Variants in KLF12 observed in about 807,000 individuals in gnomAD.
KLF12 encodes KLF transcription factor 12.
A neutral mutation model predicts 37.8 loss-of-function variants in KLF12; 9 were observed. The observed-to-expected ratio is 0.24, with a 90% CI of 0.14 to 0.42. The LOEUF is 0.42. KLF12 is among the 10% of genes least tolerant of loss of function. KLF12 has a pLI of 1.00. For missense variants in KLF12, 411 were observed against 516.0 expected (o/e 0.80, Z 1.97); for synonymous variants, 208 against 202.1 (o/e 1.03, Z -0.25).
At chr13:74,245,402 A>G in the KLF12 span, among the ~76,000 whole-genome samples, 1 of 152,306 alleles carries the variant, frequency 6.6e-6, no homozygotes, top group South Asian at 2.1e-4. Context: ...GGAGTAGATG[A>G]AATTGCTAGG....
At chr13:73,951,345 CT>C (rs1007414391) in intron 2 of KLF12, among the ~76,000 whole-genome samples, 2 of 152,108 alleles carry the variant, frequency 1.3e-5, no homozygotes, top group African/African-American at 4.8e-5. Flanking sequence ...CGCACATCAA[CT>C]TTTTTTAACT....
intron 1 of KLF12, among the ~76,000 whole-genome samples, chr13:74,126,584 A>G (rs1877956750): frequency 6.6e-6 from 1 of 152,202 alleles, no homozygotes; most frequent in African/African-American, 2.4e-5. Flanking sequence ...CTTTCTCATA[A>G]CTAGATGCTT....
At chr13:73,730,086 C>T (rs1433721231) in intron 6 of KLF12, among the ~76,000 whole-genome samples, 1 of 152,062 alleles carries the variant, frequency 6.6e-6, no homozygotes, top group African/African-American at 2.4e-5. Flanking sequence ...CTACATAAAC[C>T]CATCTGAGGG....
intron 3 of KLF12, among the ~76,000 whole-genome samples, chr13:73,913,254 C>T (rs987062648): frequency 6.6e-6 from 1 of 152,202 alleles, no homozygotes; most frequent in African/African-American, 2.4e-5. Context: ...CCTTACACGT[C>T]ACTTAGTCAT....
At chr13:74,157,665 A>ATTT in the KLF12 span, among the ~76,000 whole-genome samples, 2 of 152,178 alleles carry the variant, frequency 1.3e-5, no homozygotes, top group African/African-American at 4.8e-5. Flanking sequence ...AAATCCTGGG[A>ATTT]TGTACCCCAG....
the KLF12 span, among the ~76,000 whole-genome samples, chr13:74,163,189 TA>T: frequency 6.6e-6 from 1 of 152,144 alleles, no homozygotes; most frequent in African/African-American, 2.4e-5. Context: ...CTCAAAAACC[TA>T]AAAATTGAGC....
intron 5 of KLF12, chr13:73,801,995 A>G (rs1882303910): frequency 6.6e-6 from 1 of 152,188 alleles, no homozygotes; most frequent in African/African-American, 2.4e-5. Context: ...CGTTTAAACA[A>G]TAAATCAACA....
intron 7 of KLF12, among the ~76,000 whole-genome samples, chr13:73,710,500 C>T (rs1875301397): frequency 1.6e-5 from 2 of 124,076 alleles, no homozygotes; most frequent in Admixed American, 1.5e-4. Flanking sequence ...GCTCACTTTG[C>T]ATCTTTGTGT....
chr13:73,796,444 T>C (rs1881969541), intron 5 of KLF12, among the ~76,000 whole-genome samples: 1 of 151,620 alleles, frequency 6.6e-6, no homozygotes, highest in Non-Finnish European at 1.5e-5. Context: ...GAACCCATTT[T>C]CGTGGTGCTT....
intron 6 of KLF12, among the ~76,000 whole-genome samples, chr13:73,757,876 T>C (rs1315377752): frequency 6.6e-6 from 1 of 152,184 alleles, no homozygotes; most frequent in Non-Finnish European, 1.5e-5. Context: ...TTTCTATATA[T>C]ATGAAATAAA....
At chr13:74,272,612 G>A in the KLF12 span, among the ~76,000 whole-genome samples, 2 of 152,114 alleles carry the variant, frequency 1.3e-5, no homozygotes, top group African/African-American at 2.4e-5. Context: ...GGACTAGGCC[G>A]AATGCTATGG....
intron 1 of KLF12, among the ~76,000 whole-genome samples, chr13:74,060,484 T>TTGTG (rs60242793): frequency 0.1 from 10,827 of 108,280 alleles, 559 homozygotes; most frequent in African/African-American, 0.17. Flanking sequence ...TACCTAGGTT[T>TTGTG]TGTGTGTGTG....
chr13:73,925,664 A>T (rs911733357), intron 3 of KLF12, among the ~76,000 whole-genome samples: 1 of 152,186 alleles, frequency 6.6e-6, no homozygotes. Flanking sequence ...TATTTCATAC[A>T]GTTATAGCTG....
intron 3 of KLF12, among the ~76,000 whole-genome samples, chr13:73,884,412 A>G (rs1264796644): frequency 1.3e-5 from 2 of 152,250 alleles, no homozygotes; most frequent in African/African-American, 4.8e-5. Context: ...CACTACAGAA[A>G]AAAACACTTA....
intron 1 of KLF12, among the ~76,000 whole-genome samples, chr13:74,002,817 C>T (rs1184279454): frequency 6.6e-6 from 1 of 152,202 alleles, no homozygotes; most frequent in Non-Finnish European, 1.5e-5. Flanking sequence ...ATGGCAAACA[C>T]ATTCTGTTAT....
intron 2 of KLF12, among the ~76,000 whole-genome samples, chr13:73,949,979 A>C (rs775057231): frequency 3.9e-5 from 6 of 152,152 alleles, no homozygotes; most frequent in Non-Finnish European, 8.8e-5. Context: ...TCCAAATTAC[A>C]TTCTTCTGAA....
At chr13:74,140,247 C>T in the KLF12 span, among the ~76,000 whole-genome samples, 2 of 152,186 alleles carry the variant, frequency 1.3e-5, no homozygotes, top group Non-Finnish European at 2.9e-5. Context: ...TTATGGCCAG[C>T]TGCAATGGCT....
intron 1 of KLF12, among the ~76,000 whole-genome samples, chr13:74,086,318 T>C (rs1041120016): frequency 1.4e-4 from 19 of 136,350 alleles, no homozygotes; most frequent in African/African-American, 5.2e-4. Context: ...CCTTCCTGTG[T>C]CCATGTGTTC....
intron 7 of KLF12, among the ~76,000 whole-genome samples, chr13:73,708,217 T>G (rs1312066373): frequency 6.6e-6 from 1 of 152,176 alleles, no homozygotes. Context: ...TACCTTAAGT[T>G]TACTAATTTT....
Sources: allele counts gnomAD v4.1 joint callset (sites outside exome capture counted in the v4.1 genomes callset), GRCh38; gene constraint gnomAD v4.1.1; transcripts MANE v1.5; gene names NCBI Gene and HGNC (gene_info 2026-07-23, HGNC 2026-07-21).